The following CAPZB variants were observed in gnomAD, a reference collection of about 807,000 sequenced individuals.
CAPZB encodes F-actin-capping protein subunit beta.
In CAPZB, 2 loss-of-function variants were observed where a neutral mutation model predicts 38.1. The observed-to-expected ratio is 0.05, with a 90% CI of 0.02 to 0.17. The LOEUF is 0.17. CAPZB is among the 10% of genes least tolerant of loss of function. The pLI, the probability that CAPZB is intolerant of heterozygous loss-of-function variation, is 1.00. For missense variants in CAPZB, 161 were observed against 334.2 expected (o/e 0.48, Z 4.04); for synonymous variants, 107 against 127.4 (o/e 0.84, Z 1.08).
intron 2 of CAPZB, among the ~76,000 whole-genome samples, chr1:19,403,006 GC>G (rs1230656018): frequency 6.6e-6 from 1 of 151,954 alleles, no homozygotes; most frequent in Non-Finnish European, 1.5e-5. Flanking sequence ...CCAAGATTGT[GC>G]CATCACACTC....
intron 1 of CAPZB, among the ~76,000 whole-genome samples, chr1:19,439,453 C>A (rs1278656455): frequency 6.6e-6 from 1 of 152,192 alleles, no homozygotes; most frequent in Non-Finnish European, 1.5e-5. Context: ...CCCACTTCCC[C>A]CGTATGAAAT....
intron 3 of CAPZB, among the ~76,000 whole-genome samples, chr1:19,382,093 C>T (rs1375542680): frequency 6.6e-6 from 1 of 151,856 alleles, no homozygotes; most frequent in Non-Finnish European, 1.5e-5. Context: ...TGGGAAGACC[C>T]GACCCAAGTG....
rs539947115 is a variant in CAPZB, at chr1:19,457,449, G to A, written c.3+27987C>T. ...GTGTGATCCACCGCATGCTTGAGGAGCTCTTACAATACTATGTACTGATAA... is the reference window on the plus strand; with the variant it reads ...GTGTGATCCACCGCATGCTTGAGGAACTCTTACAATACTATGTACTGATAA... On this transcript the variant is annotated intron_variant, in intron 1 of 8. Transcript: ENST00000264202. Among the ~76,000 whole-genome samples the A allele has an allele frequency of 7.9e-5, 12 of 152,270 alleles. 1 individual carries two copies. In the East Asian group the frequency reaches 2.3e-3, roughly 29 times the overall value.
intron 6 of CAPZB, among the ~76,000 whole-genome samples, chr1:19,355,754 C>T (rs1302262211): frequency 2.6e-5 from 4 of 152,196 alleles, no homozygotes; most frequent in Non-Finnish European, 5.9e-5. Context: ...CTTGTGAAAC[C>T]CAGTTGTGCT....
rs1260515452 is a variant in CAPZB, at chr1:19,357,143, G to A, written c.471+279C>T. Among the ~76,000 whole-genome samples, 3 of 152,134 alleles carry A rather than the reference G, an allele frequency of 2.0e-5. No individual in the cohort carries two copies. The highest frequency in any genetic ancestry group is 7.2e-5 in the African/African-American group (3 of 41,414). On this transcript the variant is annotated intron_variant, in intron 5 of 8. Transcript: ENST00000264202. This position sits in a 1 kb window ranked among gnomAD's most constrained non-coding sequence, Gnocchi z 4.3. ...GCCTCCCAAACTGCTGGGATTACAG[G>A]CCCGAGCCACCGTACCTGGCCTCAC...
At chr1:19,426,427 C>G (rs2094422767) in intron 1 of CAPZB, among the ~76,000 whole-genome samples, 1 of 151,614 alleles carries the variant, frequency 6.6e-6, no homozygotes, top group South Asian at 2.1e-4. Flanking sequence ...TGACACTCCT[C>G]CCACTTGTGG....
chr1:19,418,374 G>A (rs978854858), intron 2 of CAPZB, among the ~76,000 whole-genome samples: 5 of 152,070 alleles, frequency 3.3e-5, no homozygotes, highest in Admixed American at 6.5e-5. Flanking sequence ...GCTCCTGGCC[G>A]GGGACCCCTG....
At chr1:19,395,425 A>C (rs1268065735) in intron 2 of CAPZB, among the ~76,000 whole-genome samples, 1 of 152,192 alleles carries the variant, frequency 6.6e-6, no homozygotes, top group Non-Finnish European at 1.5e-5. Context: ...AATAAACAAA[A>C]GCAGGCCTCC....
chr1:19,469,659 G>A (rs1002960054), intron 1 of CAPZB, among the ~76,000 whole-genome samples: 1 of 151,098 alleles, frequency 6.6e-6, no homozygotes, highest in Non-Finnish European at 1.5e-5. Flanking sequence ...GTTCAAGAAG[G>A]TGCAGAGAGA....
chr1:19,365,867 C>T (rs570179950), intron 4 of CAPZB, among the ~76,000 whole-genome samples: 22 of 151,828 alleles, frequency 1.4e-4, no homozygotes, highest in Admixed American at 9.2e-4. Context: ...AAGATGGAAA[C>T]GCCCACAGCC....
chr1:19,414,087 C>T (rs2094368828), intron 2 of CAPZB, among the ~76,000 whole-genome samples: 2 of 152,158 alleles, frequency 1.3e-5, no homozygotes, highest in South Asian at 4.1e-4. Flanking sequence ...TCACGGAGAG[C>T]AGGTTTTTGG....
rs539936483 is a variant in CAPZB at position 19,368,729 on chromosome 1, G to A, written c.329+9811C>T. Among the ~76,000 whole-genome samples, 293 of 151,336 alleles carry A rather than the reference G, an allele frequency of 1.9e-3. 3 individuals are homozygous for A. The highest frequency in any genetic ancestry group is 3.4e-3 in the Middle Eastern group (1 of 292). On this transcript the variant is annotated intron_variant, in intron 4 of 8. Transcript: ENST00000264202. Reference sequence around the variant, plus strand: ...GTCACCCAGGCAGAAGTGTGGTGGTGGGACCATAGTTCACTGCAGCCTCCA... The same window carrying A: ...GTCACCCAGGCAGAAGTGTGGTGGTAGGACCATAGTTCACTGCAGCCTCCA...
At chr1:19,379,488 T>C (rs2094162467) in intron 3 of CAPZB, among the ~76,000 whole-genome samples, 1 of 152,180 alleles carries the variant, frequency 6.6e-6, no homozygotes, top group Non-Finnish European at 1.5e-5. Flanking sequence ...CCTTCTTACA[T>C]AGTAAGCGTT....
At chr1:19,401,278 T>A (rs984383236) in intron 2 of CAPZB, among the ~76,000 whole-genome samples, 10 of 151,436 alleles carry the variant, frequency 6.6e-5, no homozygotes, top group African/African-American at 2.2e-4. Flanking sequence ...GGCAAACATT[T>A]TGGAAAGATG....
At chr1:19,475,910 A>C (rs1290017779) in intron 1 of CAPZB, among the ~76,000 whole-genome samples, 1 of 152,196 alleles carries the variant, frequency 6.6e-6, no homozygotes, top group Non-Finnish European at 1.5e-5. Flanking sequence ...ACACTGCTTC[A>C]GCACCCCAAG....
At chr1:19,411,514 A>G (rs2094356823) in intron 2 of CAPZB, among the ~76,000 whole-genome samples, 1 of 152,136 alleles carries the variant, frequency 6.6e-6, no homozygotes, top group African/African-American at 2.4e-5. Context: ...AGTCTCCTGG[A>G]ATCAGTCTTT....
At chr1:19,427,133 C>T (rs1271421881) in intron 1 of CAPZB, among the ~76,000 whole-genome samples, 2 of 152,176 alleles carry the variant, frequency 1.3e-5, no homozygotes, top group Non-Finnish European at 2.9e-5. Context: ...GGAGTGTGTA[C>T]GTTTTGTGTG....
intron 7 of CAPZB, 101 bp from the exon 8 acceptor site, chr1:19,344,535 G>A (rs2093950245): frequency 3.3e-6 from 3 of 905,588 alleles, no homozygotes; most frequent in Admixed American, 1.7e-5. Context: ...TGTGGCCACT[G>A]GAGGGTGGCA....
At chr1:19,425,917 T>C (rs2094420826) in intron 1 of CAPZB, among the ~76,000 whole-genome samples, 1 of 152,198 alleles carries the variant, frequency 6.6e-6, no homozygotes, top group African/African-American at 2.4e-5. Flanking sequence ...ACAATGTCAA[T>C]GTCAGAGTAC....
Sources: gnomAD v4.1 joint callset for allele counts (sites outside exome capture counted in the v4.1 genomes callset) on GRCh38, gnomAD v4.1.1 for gene constraint, Gnocchi (gnomAD v3.1) non-coding constraint, MANE v1.5 for transcripts, NCBI Gene and HGNC (gene_info 2026-07-23, HGNC 2026-07-21) for gene names.